The following PRELID2 variants were observed in gnomAD, a reference collection of about 807,000 sequenced individuals.
PRELID2 encodes PRELI domain-containing protein 2.
PRELID2 carries 25 observed loss-of-function variants against 28.4 expected under a neutral mutation model. The observed-to-expected ratio is 0.88, with a 90% CI of 0.64 to 1.23. The LOEUF (loss-of-function observed/expected upper bound fraction) is 1.23. Ranked by LOEUF, PRELID2 falls within the 50% of genes most tolerant of loss-of-function variation. PRELID2 has a pLI of 0.00. For synonymous variants in PRELID2, 76 were observed against 71.6 expected (o/e 1.06, Z -0.31); for missense variants, 201 against 214.4 (o/e 0.94, Z 0.39).
chr5:145,539,200 C>A (rs1394465803), intron 1 of PRELID2, among the ~76,000 whole-genome samples: 1 of 151,816 alleles, frequency 6.6e-6, no homozygotes, highest in East Asian at 1.9e-4. Context: ...GTAAACACAC[C>A]AAAAATGGAG....
intron 1 of PRELID2, among the ~76,000 whole-genome samples, chr5:145,713,381 T>C (rs1429552240): frequency 6.9e-6 from 1 of 144,874 alleles, no homozygotes; most frequent in Non-Finnish European, 1.5e-5. Flanking sequence ...CTTTACATTA[T>C]ATATATATAA....
chr5:145,473,125 G>C (rs557637526), intron 2 of PRELID2: 1 of 152,250 alleles, frequency 6.6e-6, no homozygotes, highest in Admixed American at 6.5e-5. Flanking sequence ...GGGAGGTCAA[G>C]TGTTTGAAGA....
chr5:145,413,394 A>T, the PRELID2 span, among the ~76,000 whole-genome samples: 1 of 152,208 alleles, frequency 6.6e-6, no homozygotes, highest in South Asian at 2.1e-4. Context: ...AATGTAACCT[A>T]GTACAACCAA....
chr5:145,807,866 C>T (rs1753622507), intron 4 of PRELID2, among the ~76,000 whole-genome samples: 1 of 152,106 alleles, frequency 6.6e-6, no homozygotes, highest in Non-Finnish European at 1.5e-5. Flanking sequence ...AAACTGTGAC[C>T]TCAGTGCACA....
At chr5:145,331,737 T>C in the PRELID2 span, among the ~76,000 whole-genome samples, 1 of 152,178 alleles carries the variant, frequency 6.6e-6, no homozygotes, top group African/African-American at 2.4e-5. Flanking sequence ...TGCCAGTCTG[T>C]GTCTTTCAAT....
chr5:145,575,584 T>C (rs1753053632), intron 1 of PRELID2, among the ~76,000 whole-genome samples: 2 of 152,164 alleles, frequency 1.3e-5, no homozygotes, highest in Admixed American at 1.3e-4. Flanking sequence ...AGTCCTAGCA[T>C]TGCTTCACAC....
chr5:145,407,366 G>A, the PRELID2 span, among the ~76,000 whole-genome samples: 3 of 152,088 alleles, frequency 2.0e-5, no homozygotes, highest in East Asian at 5.8e-4. Context: ...CAACCTATAT[G>A]ATGGGGCAGA....
chr5:145,726,536 A>G (rs553669217), intron 1 of PRELID2, among the ~76,000 whole-genome samples: 12 of 152,276 alleles, frequency 7.9e-5, no homozygotes, highest in African/African-American at 2.6e-4. Context: ...GTAGATGATT[A>G]ACAGATGGAT....
the PRELID2 span, among the ~76,000 whole-genome samples, chr5:145,309,315 G>T: frequency 1.3e-5 from 2 of 152,152 alleles, no homozygotes; most frequent in African/African-American, 4.8e-5. Context: ...GATCTGGGCT[G>T]GATCTGAAGA....
At chr5:145,755,198 C>G (rs1757224457), downstream of PRELID2, among the ~76,000 whole-genome samples, 1 of 152,176 alleles carries the variant, frequency 6.6e-6, no homozygotes, top group African/African-American at 2.4e-5. Flanking sequence ...TGGTCCAGAG[C>G]AAAGGTCGTG....
intron 5 of PRELID2, among the ~76,000 whole-genome samples, chr5:145,791,123 G>A (rs566746394): frequency 1.3e-5 from 2 of 152,154 alleles, no homozygotes; most frequent in South Asian, 4.2e-4. Flanking sequence ...GGCTAGGGAG[G>A]CCTCACAATC....
At chr5:145,774,494 C>T (rs1157195225) in intron 5 of PRELID2, among the ~76,000 whole-genome samples, 1 of 152,208 alleles carries the variant, frequency 6.6e-6, no homozygotes, top group Non-Finnish European at 1.5e-5. Context: ...TCCCATTCTT[C>T]CCATGTCCTA....
chr5:145,546,311 C>A (rs149635037), intron 1 of PRELID2, among the ~76,000 whole-genome samples: 122 of 152,148 alleles, frequency 8.0e-4, no homozygotes, highest in African/African-American at 2.8e-3. Flanking sequence ...ATCTCTAATA[C>A]ATGCAAAAAT....
At chr5:145,357,121 G>A in the PRELID2 span, among the ~76,000 whole-genome samples, 1 of 152,138 alleles carries the variant, frequency 6.6e-6, no homozygotes, top group African/African-American at 2.4e-5. Context: ...TTTACCTGAT[G>A]GGGTTCCCTT....
the PRELID2 span, among the ~76,000 whole-genome samples, chr5:145,340,101 C>T: frequency 6.6e-6 from 1 of 152,162 alleles, no homozygotes; most frequent in African/African-American, 2.4e-5. Context: ...GAATGCACTA[C>T]TAAGGGGCCT....
the PRELID2 span, among the ~76,000 whole-genome samples, chr5:145,340,806 C>G: frequency 8.6e-6 from 1 of 116,896 alleles, no homozygotes; most frequent in South Asian, 2.7e-4. Context: ...TATATCCTCC[C>G]TATATCCACT....
chr5:145,364,821 C>T, the PRELID2 span, among the ~76,000 whole-genome samples: 4 of 152,002 alleles, frequency 2.6e-5, no homozygotes, highest in Non-Finnish European at 4.4e-5. Context: ...TGATTCCCTG[C>T]ATATCCTGAC....
intron 1 of PRELID2, among the ~76,000 whole-genome samples, chr5:145,556,653 T>C (rs1431734082): frequency 6.6e-6 from 1 of 152,178 alleles, no homozygotes; most frequent in Non-Finnish European, 1.5e-5. Flanking sequence ...TGGTTCCCCA[T>C]TGCATTTGGT....
intron 1 of PRELID2, among the ~76,000 whole-genome samples, chr5:145,741,243 T>A (rs187282306): frequency 0.037 from 4,106 of 111,560 alleles, 146 homozygotes; most frequent in African/African-American, 0.085. Context: ...ATAATATAAA[T>A]ATATAATATA....
Sources: gnomAD v4.1 joint callset for allele counts (sites outside exome capture counted in the v4.1 genomes callset) on GRCh38, gnomAD v4.1.1 for gene constraint, MANE v1.5 for transcripts, NCBI Gene and HGNC (gene_info 2026-07-23, HGNC 2026-07-21) for gene names.